LSM14A: variants seen among roughly 807,000 people sequenced by gnomAD.
The protein encoded by LSM14A is LSM14A mRNA processing body assembly factor.
A neutral mutation model predicts 52.4 loss-of-function variants in LSM14A; 14 were observed. The ratio of observed to expected loss-of-function variants is 0.27; its 90% CI spans 0.18 to 0.42. The LOEUF (loss-of-function observed/expected upper bound fraction) is 0.42. Among genes scored for constraint, LSM14A ranks in the 10% least tolerant of loss-of-function variants. LSM14A has a pLI of 1.00. For synonymous variants in LSM14A, 185 were observed against 200.3 expected, an observed-to-expected ratio of 0.92 and a Z score of 0.64; for missense variants, 417 against 581.8, an observed-to-expected ratio of 0.72 and a Z score of 2.91.
intron 6 of LSM14A, among the ~76,000 whole-genome samples, chr19:34,216,893 G>C (rs1454145993): frequency 6.6e-6 from 1 of 152,110 alleles, no homozygotes; most frequent in African/African-American, 2.4e-5. Context: ...TTATAAAATT[G>C]GTTTTCATTG....
At chr19:34,221,374 G>A (rs1181322717) in intron 8 of LSM14A, 133 bp from the exon 9 acceptor site, 53 of 1,059,086 alleles carry the variant, frequency 5.0e-5, no homozygotes, top group Non-Finnish European at 6.9e-5. Context: ...GAGCCATCAC[G>A]CCTAGCCAAG....
rs1017521405 is a variant in LSM14A at position 34,228,485 on chromosome 19, A to G, written c.*1097A>G. ...GAATTTAGTCATGATACCTTGACTC[A>G]TTCCATCATATTTCAAGAGGATTCA... On this transcript the variant is annotated 3_prime_UTR_variant, in exon 10 of 10. Coordinates refer to ENST00000544216, the MANE Select transcript of LSM14A (RefSeq NM_015578.4). 4 of 149,692 alleles carry G rather than the reference A, an allele frequency of 2.7e-5. No individual in the cohort carries two copies. The highest frequency in any genetic ancestry group is 9.7e-5 in the African/African-American group (4 of 41,204). 9.3% of individuals were successfully genotyped at this position (149,692 alleles called of 1,614,324 possible). A position where few individuals can be genotyped will look rare whatever the true frequency, so the allele number is the denominator to read the frequency against.
intron 1 of LSM14A, among the ~76,000 whole-genome samples, chr19:34,179,687 ATAG>A (rs1225381249): frequency 6.6e-6 from 1 of 152,164 alleles, no homozygotes; most frequent in Non-Finnish European, 1.5e-5. Flanking sequence ...AAGAAAAAAA[ATAG>A]TAGAAGGAAG....
chr19:34,209,520 A>T (rs1248689352), intron 4 of LSM14A, among the ~76,000 whole-genome samples: 1 of 152,200 alleles, frequency 6.6e-6, no homozygotes, highest in East Asian at 1.9e-4. Context: ...TAAAAATTTA[A>T]ATCCTGAGAC....
chr19:34,211,645 A>G, intron 4 of LSM14A, among the ~76,000 whole-genome samples: 1 of 151,986 alleles, frequency 6.6e-6, no homozygotes, highest in Admixed American at 6.6e-5. Flanking sequence ...AAAAATAAGC[A>G]GAGTATGATG....
chr19:34,177,806 G>A (rs547081814), intron 1 of LSM14A, among the ~76,000 whole-genome samples: 2 of 152,110 alleles, frequency 1.3e-5, no homozygotes, highest in Non-Finnish European at 2.9e-5. Context: ...TGAGGCAGGG[G>A]GATTGCTTGA....
intron 3 of LSM14A, among the ~76,000 whole-genome samples, chr19:34,206,632 G>C (rs1033896756): frequency 1.3e-5 from 2 of 152,042 alleles, no homozygotes; most frequent in African/African-American, 4.8e-5. Context: ...CTGAGATCGC[G>C]CCACTGCACT....
intron 6 of LSM14A, among the ~76,000 whole-genome samples, chr19:34,217,073 A>G (rs2072660539): frequency 6.6e-6 from 1 of 152,076 alleles, no homozygotes; most frequent in Non-Finnish European, 1.5e-5. Flanking sequence ...CAGCCTGGCC[A>G]TACGGTGAAA....
intron 1 of LSM14A, among the ~76,000 whole-genome samples, chr19:34,177,386 T>C (rs976521676): frequency 7.2e-5 from 11 of 152,196 alleles, no homozygotes; most frequent in African/African-American, 2.4e-4. Flanking sequence ...ATTCAGAGCT[T>C]TATATTTAGT....
At chr19:34,220,265 A>G (rs746311733) in intron 8 of LSM14A, among the ~76,000 whole-genome samples, 19 of 152,108 alleles carry the variant, frequency 1.2e-4, no homozygotes, top group Non-Finnish European at 2.1e-4. Flanking sequence ...GCCATAATTG[A>G]TTTTTTAATG....
At position 34,221,673 on chromosome 19, in the gene LSM14A, C is replaced by A. The variant is rs772084356; in HGVS notation, c.1303C>A (p.Arg435=). ...GGRGGTFTAP[R]GFRGGFRGGR... ...CAGAGGTGGTACCTTCACTGCCCCTCGAGGATTTCGCGGTGGATTCAGAGG... is the reference window on the plus strand; with the variant it reads ...CAGAGGTGGTACCTTCACTGCCCCTAGAGGATTTCGCGGTGGATTCAGAGG... The change falls in exon 9 of 10, where the codon CGA becomes AGA. Residue 435 remains arginine (R), a synonymous_variant. Transcript: ENST00000544216. The A allele has an allele frequency of 6.2e-7, 1 of 1,613,958 alleles. No individual in the cohort carries two copies.
Position 34,209,198 on chromosome 19 carries a change from G to T in LSM14A, c.538+147G>T, listed in dbSNP as rs1204654088. On this transcript the variant is annotated intron_variant, in intron 4 of 9. Coordinates refer to ENST00000544216, the MANE Select transcript of LSM14A (RefSeq NM_015578.4). ...AAATTTTTCTCCAAATCGCTGTATT[G>T]CAATGAATATATTATTGAATGACTC... 7.1e-6 allele frequency: 4 copies of T among 567,232 alleles called. No homozygotes were observed. The East Asian group carries it at 1.2e-4, about 17-fold the overall frequency. The allele number at this position is 567,232 out of a possible 1,614,324, so 35.1% of individuals were successfully genotyped here.
intron 9 of LSM14A, among the ~76,000 whole-genome samples, chr19:34,223,021 A>G (rs1599725720): frequency 1.3e-5 from 2 of 152,156 alleles, no homozygotes; most frequent in African/African-American, 4.8e-5. Flanking sequence ...CTAGTCTTTA[A>G]AATACTCTTC....
intron 6 of LSM14A, among the ~76,000 whole-genome samples, chr19:34,218,922 A>G (rs1054464955): frequency 1.3e-5 from 2 of 152,138 alleles, no homozygotes; most frequent in African/African-American, 4.8e-5. Flanking sequence ...ATTTGTGCCG[A>G]TTAGTGTTTA....
intron 1 of LSM14A, among the ~76,000 whole-genome samples, chr19:34,183,415 G>T (rs946304265): frequency 2.6e-5 from 4 of 152,138 alleles, no homozygotes; most frequent in Admixed American, 6.5e-5. Flanking sequence ...GCCAGTCGTG[G>T]TGTTGTGCAC....
intron 1 of LSM14A, among the ~76,000 whole-genome samples, chr19:34,182,866 C>G (rs565415351): frequency 2.3e-4 from 34 of 150,970 alleles, no homozygotes; most frequent in African/African-American, 7.8e-4. Flanking sequence ...AGAGTCAACT[C>G]TCTTTAAATC....
At chr19:34,205,854 T>G (rs2071659007) in intron 3 of LSM14A, among the ~76,000 whole-genome samples, 1 of 152,156 alleles carries the variant, frequency 6.6e-6, no homozygotes, top group Non-Finnish European at 1.5e-5. Flanking sequence ...GGTTTTTTTA[T>G]TTTTTATTTT....
intron 3 of LSM14A, among the ~76,000 whole-genome samples, chr19:34,203,634 T>C (rs2071462179): frequency 6.6e-6 from 1 of 151,738 alleles, no homozygotes; most frequent in South Asian, 2.1e-4. Context: ...ACCCTGTCTC[T>C]ACTAAAAATA....
chr19:34,177,308 T>C (rs568030715), intron 1 of LSM14A, among the ~76,000 whole-genome samples: 2 of 152,310 alleles, frequency 1.3e-5, no homozygotes, highest in South Asian at 4.1e-4. Context: ...TTAAACCTTT[T>C]TGTGCTTTGC....
Sources: allele counts gnomAD v4.1 joint callset (sites outside exome capture counted in the v4.1 genomes callset), GRCh38; gene constraint gnomAD v4.1.1; transcripts MANE v1.5; gene names NCBI Gene and HGNC (gene_info 2026-07-23, HGNC 2026-07-21).